The following EXOSC9 variants were observed in gnomAD, a reference collection of about 807,000 sequenced individuals.
EXOSC9 encodes exosome complex component RRP45.
A neutral mutation model predicts 56.5 loss-of-function variants in EXOSC9; 38 were observed. That is an observed-to-expected ratio of 0.67 (90% CI 0.52 to 0.88). EXOSC9 has a LOEUF of 0.88. Among genes scored for constraint, EXOSC9 ranks in the 40% least tolerant of loss-of-function variants. The pLI is 0.00. For synonymous variants in EXOSC9, 170 were observed against 170.8 expected (o/e 0.99, Z 0.04); for missense variants, 559 against 530.5 (o/e 1.05, Z -0.53).
chr4:121,815,927 T>C, intron 10 of EXOSC9: 1 of 1,222,890 alleles, frequency 8.2e-7, no homozygotes, highest in Non-Finnish European at 1.0e-6. Flanking sequence ...TCTAGAGTGC[T>C]CTAAGAAGCT....
intron 5 of EXOSC9, among the ~76,000 whole-genome samples, chr4:121,806,987 ATATACT>A (rs1216730601): frequency 6.6e-6 from 1 of 152,192 alleles, no homozygotes; most frequent in African/African-American, 2.4e-5. Context: ...AAATTGAATC[ATATACT>A]TAAAATGAGT....
chr4:121,808,908 C>T (rs1727125482), intron 6 of EXOSC9, among the ~76,000 whole-genome samples: 1 of 151,834 alleles, frequency 6.6e-6, no homozygotes, highest in East Asian at 1.9e-4. Context: ...CTCCTGGGCT[C>T]AAGTGATCCG....
At chr4:121,815,869 GCA>G in intron 10 of EXOSC9, 3 of 1,128,746 alleles carry the variant, frequency 2.7e-6, no homozygotes, top group Non-Finnish European at 3.2e-6. Context: ...CACCATTCAA[GCA>G]CCTGTAGGAA....
intron 7 of EXOSC9, 39 bp downstream of exon 7, chr4:121,810,138 C>G (rs756975079): frequency 2.5e-5 from 39 of 1,584,382 alleles, no homozygotes; most frequent in Admixed American, 3.5e-5. Context: ...TAATAGGTTG[C>G]TTCTCTTTAG....
chr4:121,811,443 A>T, intron 7 of EXOSC9, 140 bp from the exon 8 acceptor site: 1 of 481,950 alleles, frequency 2.1e-6, no homozygotes, highest in Non-Finnish European at 3.7e-6. Flanking sequence ...ATCTTGCCTT[A>T]ATCTGTGTTT....
At chr4:121,814,768 C>G (rs1373424023) in intron 10 of EXOSC9, 1 of 152,160 alleles carries the variant, frequency 6.6e-6, no homozygotes, top group African/African-American at 2.4e-5. Flanking sequence ...TAAAAAAATT[C>G]TATAAGTAAC....
intron 2 of EXOSC9, 142 bp from the exon 3 acceptor site, chr4:121,802,532 T>C (rs933936068): frequency 2.2e-5 from 16 of 713,938 alleles, no homozygotes; most frequent in Non-Finnish European, 3.2e-5. Context: ...TATTATACTT[T>C]ACATATAATT....
At chr4:121,816,657 C>CT (rs1343436971) in intron 11 of EXOSC9, 115 bp from the exon 12 acceptor site, 10 of 1,081,736 alleles carry the variant, frequency 9.2e-6, no homozygotes, top group Non-Finnish European at 1.2e-5. Context: ...GGATGCCAGT[C>CT]TTACTCATAG....
intron 9 of EXOSC9, 130 bp from the exon 10 acceptor site, chr4:121,813,736 T>G (rs1419625287): frequency 9.3e-6 from 6 of 643,120 alleles, no homozygotes; most frequent in African/African-American, 5.5e-5. Flanking sequence ...GTAGCTATAT[T>G]AAGTTTTTTT....
chr4:121,806,080 C>T (rs1356613119), intron 5 of EXOSC9, among the ~76,000 whole-genome samples: 1 of 152,174 alleles, frequency 6.6e-6, no homozygotes, highest in Non-Finnish European at 1.5e-5. Context: ...GTTGGGATTA[C>T]AGGCATGAGC....
chr4:121,801,332 C>G lies in EXOSC9; in HGVS notation c.-93C>G. 4.8e-6 allele frequency: 6 copies of G among 1,261,706 alleles called. No individual in the cohort carries two copies. The South Asian group carries it at 7.2e-5, about 15-fold the overall frequency. The allele number at this position is 1,261,706 out of a possible 1,614,324, so 78.2% of individuals were successfully genotyped here. A position where few individuals can be genotyped will look rare whatever the true frequency, so the allele number is the denominator to read the frequency against. On this transcript the variant is annotated 5_prime_UTR_variant, in exon 1 of 12. Transcript: ENST00000243498. ...GCCGCGCCTTGATGACGTAATTTTCCTGCGCCTCGGGGCGAGCAGCGGCGC... is the reference window on the plus strand; with the variant it reads ...GCCGCGCCTTGATGACGTAATTTTCGTGCGCCTCGGGGCGAGCAGCGGCGC...
At chr4:121,812,092 A>T (rs1226824653) in intron 8 of EXOSC9, among the ~76,000 whole-genome samples, 1 of 152,106 alleles carries the variant, frequency 6.6e-6, no homozygotes, top group African/African-American at 2.4e-5. Context: ...GGAGCTGGTG[A>T]TTCTTGTCCT....
At chr4:121,814,100 C>G (rs1181268981) in intron 10 of EXOSC9, 53 bp downstream of exon 10, 10 of 1,089,826 alleles carry the variant, frequency 9.2e-6, no homozygotes, top group Non-Finnish European at 1.4e-5. Flanking sequence ...TATAGTATTA[C>G]CGTATAGTTA....
Position 121,804,617 on chromosome 4 carries a change from A to G in EXOSC9, c.385-5A>G, listed in dbSNP as rs376481113. On this transcript the variant is annotated splice_region_variant and splice_polypyrimidine_tract_variant and intron_variant, in intron 4 of 11. Coordinates refer to ENST00000243498, the MANE Select transcript of EXOSC9 (RefSeq NM_005033.3). ...GATTTATTTTTATTTTAAATTCACT[A>G]TCAGGTTTGGCAAATACGTGTAGAC... 7 of 1,546,244 alleles carry G rather than the reference A, an allele frequency of 4.5e-6. No individual in the cohort carries two copies. Among genetic ancestry groups the G allele is most frequent in the East Asian group, 2.3e-5 (1 of 43,932 alleles).
rs768442480 is a variant in EXOSC9 at position 121,801,783 on chromosome 4, T to TA, written c.67-43dup. On this transcript the variant is annotated intron_variant, in intron 1 of 11. Transcript: ENST00000243498. ...AGACAAAAAGTAGTTGCTTAAGAAATACTTGTTGAAGGAATAAATTAATGA... is the reference window on the plus strand; with the variant it reads ...AGACAAAAAGTAGTTGCTTAAGAAATAACTTGTTGAAGGAATAAATTAATGA... The TA allele has an allele frequency of 4.6e-6, 7 of 1,527,830 alleles. No homozygotes were observed. The East Asian group carries it at 1.6e-4, about 34-fold the overall frequency. 94.6% of individuals were successfully genotyped at this position (1,527,830 alleles called of 1,614,324 possible). A position where few individuals can be genotyped will look rare whatever the true frequency, so the allele number is the denominator to read the frequency against.
Position 121,816,888 on chromosome 4 carries a change from A to G in EXOSC9, c.*32A>G. 1.3e-6 allele frequency: 2 copies of G among 1,485,546 alleles called. No individual in the cohort carries two copies. Among genetic ancestry groups the G allele is most frequent in the Non-Finnish European group, 1.8e-6 (2 of 1,107,874 alleles). The allele number at this position is 1,485,546 out of a possible 1,614,324, so 92.0% of individuals were successfully genotyped here. On this transcript the variant is annotated 3_prime_UTR_variant, in exon 12 of 12. Transcript: ENST00000243498. The stretch of plus-strand genomic sequence containing the variant: ...CAGTTGTATATCTGTATATATAACT[A>G]TTAAAAGGGATATTTATTCCATTCT...
intron 9 of EXOSC9, 59 bp downstream of exon 9, chr4:121,813,439 T>C: frequency 6.9e-7 from 1 of 1,453,436 alleles, no homozygotes; most frequent in South Asian, 1.2e-5. Flanking sequence ...CATTATAATA[T>C]TAGGCTATAT....
In EXOSC9 at chr4:121,807,551, A is replaced by C; in HGVS notation, c.534A>C (p.Glu178Asp). The C allele has an allele frequency of 6.2e-7, 1 of 1,608,956 alleles. No homozygotes were observed. Among genetic ancestry groups the C allele is most frequent in the Non-Finnish European group, 8.5e-7 (1 of 1,175,456 alleles). ...QGDEVTLYTP[E>D]ERDPVPLSIH... ...TTCTTTTGAAACAGTATACACCTGA[A>C]GAGCGTGATCCTGTACCATTAAGTA... is the stretch of plus-strand genomic sequence containing the variant. The change falls in exon 6 of 12, where the codon GAA becomes GAC. Residue 178 changes from glutamate to aspartate, a missense_variant. By Grantham distance (45) the Glu-to-Asp change is conservative. Transcript: ENST00000243498.
chr4:121,810,738 C>T lies in EXOSC9; in HGVS notation c.738+639C>T, dbSNP rs145192516. On this transcript the variant is annotated intron_variant, in intron 7 of 11. Transcript: ENST00000243498. ...TATTAGCCGAGCTTGGTGGTGCATG[C>T]GTGTGGTCCTGGCCACTTGGGAGGC... Among the ~76,000 whole-genome samples the T allele has an allele frequency of 4.2e-3, 637 of 152,034 alleles. 10 individuals are homozygous for T. Among genetic ancestry groups the T allele is most frequent in the African/African-American group, 0.014 (598 of 41,484 alleles).
Sources: gnomAD v4.1 joint callset for allele counts (sites outside exome capture counted in the v4.1 genomes callset) on GRCh38, gnomAD v4.1.1 for gene constraint, MANE v1.5 for transcripts, NCBI Gene and HGNC (gene_info 2026-07-23, HGNC 2026-07-21) for gene names.